BACH2: variants seen among roughly 807,000 people sequenced by gnomAD.
BACH2 encodes the protein transcription regulator protein BACH2.
BACH2 carries 5 observed loss-of-function variants against 61.8 expected under a neutral mutation model. The observed-to-expected ratio is 0.08, with a 90% CI of 0.04 to 0.17. The LOEUF (loss-of-function observed/expected upper bound fraction) is 0.17. Ranked by LOEUF, BACH2 falls within the 10% of genes least tolerant of loss-of-function variation. The pLI is 1.00. For synonymous variants in BACH2, 446 were observed against 440.1 expected (o/e 1.01, Z -0.17); for missense variants, 824 against 1,091.1 (o/e 0.76, Z 3.45).
chr6:90,045,028 G>T (rs141462600), intron 5 of BACH2, among the ~76,000 whole-genome samples: 4 of 152,306 alleles, frequency 2.6e-5, no homozygotes, highest in African/African-American at 9.6e-5. Context: ...TCACCAGGGA[G>T]TAAGCTTATG....
At chr6:90,280,381 G>A (rs1771822596) in intron 1 of BACH2, among the ~76,000 whole-genome samples, 2 of 152,084 alleles carry the variant, frequency 1.3e-5, no homozygotes, top group African/African-American at 4.8e-5. Flanking sequence ...ACCTAACTTT[G>A]ACATCGGGGG....
rs573177988 is a variant in BACH2, at chr6:90,006,425, T to G, written c.243+2177A>C. ...TGCCATTCCTCGGCCTTCCCGTTAC[T>G]TGGTACCCAGTCCCCACTCCTTATC... On this transcript the variant is annotated intron_variant, in intron 6 of 8. Coordinates refer to ENST00000257749, the MANE Select transcript of BACH2 (RefSeq NM_021813.4). Among the ~76,000 whole-genome samples, 124 of 152,286 alleles carry G rather than the reference T, an allele frequency of 8.1e-4. 1 individual carries two copies. Among genetic ancestry groups the G allele is most frequent in the African/African-American group, 2.9e-3 (121 of 41,570 alleles).
At chr6:90,245,450 C>T (rs1386092272) in intron 3 of BACH2, among the ~76,000 whole-genome samples, 2 of 152,202 alleles carry the variant, frequency 1.3e-5, no homozygotes, top group South Asian at 4.1e-4. Flanking sequence ...AAAAAATTAT[C>T]CAGGTGTTGT....
chr6:90,220,513 C>CCACT, intron 3 of BACH2, among the ~76,000 whole-genome samples: 1 of 152,180 alleles, frequency 6.6e-6, no homozygotes, highest in Non-Finnish European at 1.5e-5. Flanking sequence ...GCCAGGAAGG[C>CCACT]CACTACCTAT....
At chr6:90,128,529 C>T (rs1783959571) in intron 4 of BACH2, among the ~76,000 whole-genome samples, 1 of 152,132 alleles carries the variant, frequency 6.6e-6, no homozygotes, top group East Asian at 1.9e-4. Context: ...TGCAGTGAGC[C>T]AAGATCGTGC....
rs981359684 is a variant in BACH2 at position 89,927,269 on chromosome 6, C to T, written c.*5139G>A. On this transcript the variant is annotated 3_prime_UTR_variant, in exon 9 of 9. Coordinates refer to ENST00000257749, the MANE Select transcript of BACH2 (RefSeq NM_021813.4). Reference sequence around the variant, plus strand: ...GAGGTGCCATGTCTTTATGTCAGAGCGTGAAACGGGCATCCCAGGATTTGC... The same window carrying T: ...GAGGTGCCATGTCTTTATGTCAGAGTGTGAAACGGGCATCCCAGGATTTGC... 1 of 151,796 alleles carries T rather than the reference C, an allele frequency of 6.6e-6. No individual in the cohort carries two copies. The highest frequency in any genetic ancestry group is 2.5e-5 in the African/African-American group (1 of 40,516). 9.4% of individuals were successfully genotyped at this position (151,796 alleles called of 1,614,324 possible).
chr6:90,021,318 CCAA>C (rs1778363629), intron 5 of BACH2, among the ~76,000 whole-genome samples: 2 of 128,284 alleles, frequency 1.6e-5, no homozygotes, highest in African/African-American at 5.9e-5. Flanking sequence ...AAAAAAAAAA[CCAA>C]CAAAAAAATC....
At chr6:89,957,708 T>G (rs1474260549) in intron 6 of BACH2, among the ~76,000 whole-genome samples, 6 of 152,088 alleles carry the variant, frequency 3.9e-5, no homozygotes, top group Admixed American at 3.9e-4. Context: ...GCCCAGCTAA[T>G]TTTTGTATTT....
At chr6:90,247,604 C>A (rs1326525389) in intron 3 of BACH2, among the ~76,000 whole-genome samples, 1 of 152,138 alleles carries the variant, frequency 6.6e-6, no homozygotes, top group East Asian at 1.9e-4. Flanking sequence ...TAATTAAAAT[C>A]AACTTTTTCT....
intron 4 of BACH2, among the ~76,000 whole-genome samples, chr6:90,169,865 CT>C (rs1022517967): frequency 6.6e-6 from 1 of 152,186 alleles, no homozygotes; most frequent in African/African-American, 2.4e-5. Flanking sequence ...ATTTAGCCCC[CT>C]TTGATAGTCA....
At chr6:90,296,134 A>C (rs1223173022) in intron 1 of BACH2, among the ~76,000 whole-genome samples, 3 of 151,852 alleles carry the variant, frequency 2.0e-5, no homozygotes, top group East Asian at 2.0e-4. Flanking sequence ...CGCCCTCCCC[A>C]TGCCTGACTT....
At chr6:90,025,019 A>G (rs1248529281) in intron 5 of BACH2, among the ~76,000 whole-genome samples, 1 of 152,192 alleles carries the variant, frequency 6.6e-6, no homozygotes, top group East Asian at 1.9e-4. Flanking sequence ...GTCAGATGAG[A>G]CTACCCCGTT....
chr6:89,959,097 G>GCGCACACACA (rs1554220437), intron 6 of BACH2, among the ~76,000 whole-genome samples: 3 of 134,484 alleles, frequency 2.2e-5, no homozygotes, highest in East Asian at 4.7e-4. Context: ...ATGCACAAGT[G>GCGCACACACA]CACACACACA....
At chr6:90,150,790 A>G (rs1784787376) in intron 4 of BACH2, among the ~76,000 whole-genome samples, 2 of 152,138 alleles carry the variant, frequency 1.3e-5, no homozygotes, top group African/African-American at 2.4e-5. Context: ...TGCATGGTCA[A>G]TGGCTGGGAG....
At chr6:90,259,904 T>C (rs999398158) in intron 2 of BACH2, among the ~76,000 whole-genome samples, 3 of 152,140 alleles carry the variant, frequency 2.0e-5, no homozygotes, top group African/African-American at 4.8e-5. Flanking sequence ...GAGGTGTCTG[T>C]TGTAATTTCT....
intron 7 of BACH2, among the ~76,000 whole-genome samples, chr6:89,948,115 G>A (rs1241096454): frequency 6.6e-6 from 1 of 152,096 alleles, no homozygotes; most frequent in African/African-American, 2.4e-5. Flanking sequence ...GCGAGGGTGG[G>A]GGGACACAAA....
intron 1 of BACH2, among the ~76,000 whole-genome samples, chr6:90,294,950 G>T (rs778042991): frequency 6.6e-6 from 1 of 152,228 alleles, no homozygotes. Flanking sequence ...CTCCGCCAAG[G>T]TTCCCACTAG....
intron 7 of BACH2, among the ~76,000 whole-genome samples, chr6:89,946,193 C>G (rs1773708373): frequency 1.3e-5 from 2 of 152,128 alleles, no homozygotes; most frequent in African/African-American, 4.8e-5. Context: ...GAAAAATAGG[C>G]AAAGAGGTAA....
At chr6:90,180,023 A>C (rs1768105580) in intron 4 of BACH2, among the ~76,000 whole-genome samples, 1 of 152,186 alleles carries the variant, frequency 6.6e-6, no homozygotes, top group Non-Finnish European at 1.5e-5. Context: ...CAATTGAATG[A>C]AGAGATTTCA....
Sources: gnomAD v4.1 joint callset for allele counts (sites outside exome capture counted in the v4.1 genomes callset) on GRCh38, gnomAD v4.1.1 for gene constraint, MANE v1.5 for transcripts, NCBI Gene and HGNC (gene_info 2026-07-23, HGNC 2026-07-21) for gene names.